Variants in SPAG16 observed in about 807,000 individuals in gnomAD.
SPAG16 encodes the protein sperm-associated antigen 16 protein.
A neutral mutation model predicts 80.4 loss-of-function variants in SPAG16; 86 were observed. The observed-to-expected ratio is 1.07, with a 90% CI of 0.90 to 1.28. SPAG16 has a LOEUF of 1.28. Ranked by LOEUF, SPAG16 falls within the 50% of genes most tolerant of loss-of-function variation. SPAG16 has a pLI of 0.00. For synonymous variants in SPAG16, 294 were observed against 265.9 expected (o/e 1.11, Z -1.03); for missense variants, 870 against 765.3 (o/e 1.14, Z -1.61).
At chr2:213,776,752 G>C (rs2069604828) in intron 10 of SPAG16, among the ~76,000 whole-genome samples, 1 of 151,336 alleles carries the variant, frequency 6.6e-6, no homozygotes, top group Admixed American at 6.6e-5. Context: ...CTAATATAGA[G>C]AAATAAATTT....
intron 9 of SPAG16, among the ~76,000 whole-genome samples, chr2:213,446,519 A>C (rs972122994): frequency 3.3e-5 from 5 of 152,070 alleles, no homozygotes; most frequent in Admixed American, 1.3e-4. Context: ...CTTTGAATAA[A>C]CATAGGCAGA....
chr2:213,523,314 C>T lies in SPAG16; in HGVS notation c.1070+33224C>T, dbSNP rs184337959. 1.4e-3 allele frequency among the ~76,000 whole-genome samples: 218 copies of T among 152,298 alleles called. 3 individuals are homozygous for T. The highest frequency in any genetic ancestry group is 5.9e-3 in the Admixed American group (90 of 15,296). On this transcript the variant is annotated intron_variant, in intron 10 of 15. Transcript: ENST00000331683. ...CCGCTTCCACCATGATTGTAAGTTT[C>T]CTGAGGCCTTCCCAGCGATGTGGAA...
intron 10 of SPAG16, among the ~76,000 whole-genome samples, chr2:213,585,281 A>ATT (rs71063761): frequency 0.023 from 3,401 of 144,742 alleles, 53 homozygotes; most frequent in Middle Eastern, 0.06. Flanking sequence ...ATGATGAAAG[A>ATT]TTTTTTTTTT....
At chr2:214,332,462 A>G (rs75832725) in intron 15 of SPAG16, among the ~76,000 whole-genome samples, 2,035 of 152,224 alleles carry the variant, frequency 0.013, 31 homozygotes, top group Non-Finnish European at 0.019. Flanking sequence ...CAATCTGTCT[A>G]TTGACTTGTT....
chr2:214,061,986 C>G (rs917150357), intron 13 of SPAG16, among the ~76,000 whole-genome samples: 3 of 84,398 alleles, frequency 3.6e-5, no homozygotes, highest in Non-Finnish European at 8.0e-5. Flanking sequence ...AGCATGCACA[C>G]ACACACACAC....
intron 9 of SPAG16, among the ~76,000 whole-genome samples, chr2:213,445,792 G>A (rs965059558): frequency 6.6e-6 from 1 of 152,118 alleles, no homozygotes; most frequent in Non-Finnish European, 1.5e-5. Flanking sequence ...TTATCAAAAA[G>A]ACAAAAATAA....
intron 14 of SPAG16, among the ~76,000 whole-genome samples, chr2:214,119,856 A>G (rs1174322592): frequency 6.6e-6 from 1 of 151,722 alleles, no homozygotes; most frequent in Non-Finnish European, 1.5e-5. Context: ...TTTTATTTTC[A>G]TTCTGTTATT....
intron 12 of SPAG16, among the ~76,000 whole-genome samples, chr2:213,954,702 G>C (rs772061561): frequency 6.6e-6 from 1 of 152,092 alleles, no homozygotes; most frequent in Admixed American, 6.6e-5. Flanking sequence ...ATCCCACAGT[G>C]ACTGTAGGTT....
At chr2:213,286,663 T>C (rs1453691797) in intron 1 of SPAG16, among the ~76,000 whole-genome samples, 1 of 152,250 alleles carries the variant, frequency 6.6e-6, no homozygotes, top group East Asian at 1.9e-4. Flanking sequence ...TTCGCACATA[T>C]ACTCAATCAC....
At chr2:213,976,135 T>TATATATATATATATATACACAC (rs749957411) in intron 12 of SPAG16, among the ~76,000 whole-genome samples, 3 of 81,406 alleles carry the variant, frequency 3.7e-5, no homozygotes, top group South Asian at 1.2e-3. Context: ...TATATATATA[T>TATATATATATATATATACACAC]ACACACACAC....
chr2:214,012,288 A>ATATATATATTTTTT (rs1553694500), intron 12 of SPAG16, among the ~76,000 whole-genome samples: 1 of 46,806 alleles, frequency 2.1e-5, no homozygotes, highest in Non-Finnish European at 3.3e-5. Context: ...ATATATATAT[A>ATATATATATTTTTT]TTTTTTTTTT....
intron 15 of SPAG16, among the ~76,000 whole-genome samples, chr2:214,195,506 CAGT>C (rs1327964227): frequency 6.6e-6 from 1 of 151,916 alleles, no homozygotes; most frequent in Non-Finnish European, 1.5e-5. Context: ...GAACTAGAAA[CAGT>C]GGTGGAGGTG....
chr2:213,476,199 A>G (rs941778149), intron 9 of SPAG16, among the ~76,000 whole-genome samples: 2 of 152,238 alleles, frequency 1.3e-5, no homozygotes, highest in Non-Finnish European at 2.9e-5. Context: ...AGAAGCCACA[A>G]GAGTCTTGAA....
intron 9 of SPAG16, among the ~76,000 whole-genome samples, chr2:213,433,884 A>G (rs893346175): frequency 1.6e-4 from 25 of 151,614 alleles, no homozygotes; most frequent in Non-Finnish European, 3.2e-4. Flanking sequence ...GCATTGGGAA[A>G]GGACACTCTT....
rs778939213 is a variant in SPAG16, at chr2:214,081,399, T to A, written c.1528-26797T>A. Among the ~76,000 whole-genome samples the A allele has an allele frequency of 2.0e-4, 31 of 152,296 alleles. 1 individual carries two copies. The highest frequency in any genetic ancestry group is 5.9e-4 in the Admixed American group (9 of 15,284). Reference sequence around the variant, plus strand: ...TGACACTCTATTGGGTGTTTGCAGATGTAATTACTTAAGATTAGATCATAC... The same window carrying A: ...TGACACTCTATTGGGTGTTTGCAGAAGTAATTACTTAAGATTAGATCATAC... On this transcript the variant is annotated intron_variant, in intron 13 of 15. Transcript: ENST00000331683.
intron 9 of SPAG16, among the ~76,000 whole-genome samples, chr2:213,473,676 G>A (rs1343383715): frequency 6.6e-6 from 1 of 152,120 alleles, no homozygotes; most frequent in East Asian, 1.9e-4. Context: ...ATTAAATTCA[G>A]AGTCCCTACT....
intron 10 of SPAG16, among the ~76,000 whole-genome samples, chr2:213,780,959 C>A (rs1261786109): frequency 6.6e-6 from 1 of 152,066 alleles, no homozygotes; most frequent in Non-Finnish European, 1.5e-5. Context: ...ATTGGTAGTC[C>A]ACAGAAGACT....
At chr2:214,029,691 C>G (rs191702353) in intron 13 of SPAG16, among the ~76,000 whole-genome samples, 13 of 152,126 alleles carry the variant, frequency 8.5e-5, no homozygotes, top group Non-Finnish European at 1.6e-4. Context: ...AAATCTTACT[C>G]AAACTTAACT....
At chr2:213,899,658 G>T (rs1345755014) in intron 11 of SPAG16, among the ~76,000 whole-genome samples, 5 of 151,958 alleles carry the variant, frequency 3.3e-5, no homozygotes, top group Non-Finnish European at 5.9e-5. Context: ...AAACAACCAC[G>T]TTTATATGAG....
Sources: gnomAD v4.1 joint callset for allele counts (sites outside exome capture counted in the v4.1 genomes callset) on GRCh38, gnomAD v4.1.1 for gene constraint, MANE v1.5 for transcripts, NCBI Gene and HGNC (gene_info 2026-07-23, HGNC 2026-07-21) for gene names.